Variants in QKI observed in about 807,000 individuals in gnomAD.
QKI encodes the protein KH domain-containing RNA-binding protein QKI.
A neutral mutation model predicts 39.0 loss-of-function variants in QKI; 10 were observed. That is an observed-to-expected ratio of 0.26 (90% CI 0.16 to 0.43). The LOEUF is 0.43. QKI is among the 20% of genes least tolerant of loss of function. The pLI, the probability that QKI is intolerant of heterozygous loss-of-function variation, is 1.00. For synonymous variants in QKI, 204 were observed against 155.4 expected (o/e 1.31, Z -2.33); for missense variants, 218 against 428.0 (o/e 0.51, Z 4.33).
chr6:163,435,310 T>C (rs1789174388), intron 1 of QKI, among the ~76,000 whole-genome samples: 1 of 152,244 alleles, frequency 6.6e-6, no homozygotes, highest in Non-Finnish European at 1.5e-5. Context: ...TGAAAAATGT[T>C]TTCCTTATAG....
At chr6:163,489,424 CTGTGTGTGTGTGTGTGTGTG>C (rs66826538) in intron 3 of QKI, among the ~76,000 whole-genome samples, 1 of 149,036 alleles carries the variant, frequency 6.7e-6, no homozygotes, top group Non-Finnish European at 1.5e-5. Flanking sequence ...AGAAGTTATG[CTGTGTGTGTGTGTGTGTGTG>C]TGTGTGTGTG....
intron 3 of QKI, among the ~76,000 whole-genome samples, chr6:163,527,530 AAG>A (rs1252589172): frequency 6.6e-6 from 1 of 152,140 alleles, no homozygotes; most frequent in Non-Finnish European, 1.5e-5. Flanking sequence ...ATGCATAATT[AAG>A]AGAGTCTGTC....
Position 163,570,980 on chromosome 6 carries a change from C to T in QKI, c.*270C>T, listed in dbSNP as rs1376140318. 9.0e-6 allele frequency: 3 copies of T among 334,730 alleles called. No homozygotes were observed. The highest frequency in any genetic ancestry group is 5.4e-6 in the Non-Finnish European group (1 of 185,410). The allele number at this position is 334,730 out of a possible 1,614,324, so 20.7% of individuals were successfully genotyped here. On this transcript the variant is annotated 3_prime_UTR_variant, in exon 8 of 8. Transcript: ENST00000361752. ...GTAAAGCAATAAGGCCCAATTCATC[C>T]CACAGCACTGATCATCTTTTAATAT...
intron 3 of QKI, among the ~76,000 whole-genome samples, chr6:163,503,482 C>T (rs995429446): frequency 2.0e-5 from 3 of 150,568 alleles, no homozygotes; most frequent in African/African-American, 7.3e-5. Context: ...TTGTTGGATG[C>T]GTAGCCTGTG....
chr6:163,570,717 A>G lies in QKI; in HGVS notation c.*7A>G, dbSNP rs561497653. The stretch of plus-strand genomic sequence containing the variant: ...AGCCGCCACCGGCAACTAACCTATG[A>G]CCTTCTGACCTCTGAACTCTTCACC... On this transcript the variant is annotated 3_prime_UTR_variant, in exon 8 of 8. Coordinates refer to ENST00000361752, the MANE Select transcript of QKI (RefSeq NM_006775.3). 4.6e-5 allele frequency: 74 copies of G among 1,610,070 alleles called. 1 individual carries two copies. In the South Asian group the frequency reaches 8.1e-4, roughly 18 times the overall value.
At chr6:163,515,570 A>G (rs1246185079) in intron 3 of QKI, among the ~76,000 whole-genome samples, 1 of 152,192 alleles carries the variant, frequency 6.6e-6, no homozygotes, top group Non-Finnish European at 1.5e-5. Flanking sequence ...AATACACTTG[A>G]TTTAACACAT....
chr6:163,454,649 T>C (rs1008459846), intron 1 of QKI, among the ~76,000 whole-genome samples: 16 of 152,184 alleles, frequency 1.1e-4, no homozygotes, highest in African/African-American at 3.6e-4. Context: ...GATCTTCTTT[T>C]CCTTACCCCT....
intron 1 of QKI, among the ~76,000 whole-genome samples, chr6:163,426,694 G>A (rs925311186): frequency 2.6e-5 from 4 of 152,048 alleles, no homozygotes; most frequent in African/African-American, 9.7e-5. Flanking sequence ...CCTTTGAAAG[G>A]TACAGCTTTC....
chr6:163,521,599 T>C (rs1207567987), intron 3 of QKI, among the ~76,000 whole-genome samples: 1 of 152,130 alleles, frequency 6.6e-6, no homozygotes, highest in Non-Finnish European at 1.5e-5. Flanking sequence ...CTCGGCTCAC[T>C]GCAACCTCTG....
chr6:163,513,007 AC>A (rs1338655856), intron 3 of QKI, among the ~76,000 whole-genome samples: 1 of 152,184 alleles, frequency 6.6e-6, no homozygotes, highest in Non-Finnish European at 1.5e-5. Context: ...GTGGTACAGT[AC>A]AAGATGCTTC....
intron 3 of QKI, among the ~76,000 whole-genome samples, chr6:163,524,648 G>A (rs76410469): frequency 7.0e-6 from 1 of 143,224 alleles, no homozygotes; most frequent in Non-Finnish European, 1.5e-5. Context: ...TTGTATTTTA[G>A]TAGAGACGGG....
intron 3 of QKI, among the ~76,000 whole-genome samples, chr6:163,510,792 A>G (rs748152482): frequency 6.6e-6 from 1 of 152,206 alleles, no homozygotes; most frequent in Non-Finnish European, 1.5e-5. Context: ...TTAATGCAGA[A>G]TGACTTAATA....
In QKI at chr6:163,572,670, A is replaced by ACCCCCCCCCCCCCCCCCCCCCCC. The variant is rs60823251; in HGVS notation, c.*1971_*1972insCCCCCCCCCCCCCCCCCCCCCCC. ...CGTGGCAAATCTCAAGTGACAGTGG[A>ACCCCCCCCCCCCCCCCCCCCCCC]CCCCCCCCCCCGCCCAGCTTATCAA... On this transcript the variant is annotated 3_prime_UTR_variant, in exon 8 of 8. Transcript: ENST00000361752. 1.0e-3 allele frequency: 20 copies of ACCCCCCCCCCCCCCCCCCCCCCC among 19,652 alleles called. No homozygotes were observed. Among genetic ancestry groups the ACCCCCCCCCCCCCCCCCCCCCCC allele is most frequent in the Non-Finnish European group, 1.3e-3 (15 of 11,852 alleles). 1.2% of individuals were successfully genotyped at this position (19,652 alleles called of 1,614,324 possible).
intron 1 of QKI, among the ~76,000 whole-genome samples, chr6:163,451,657 A>G (rs1194313234): frequency 6.6e-6 from 1 of 152,206 alleles, no homozygotes; most frequent in Non-Finnish European, 1.5e-5. Context: ...GATTTTTTGT[A>G]CTATGCGTGA....
intron 3 of QKI, among the ~76,000 whole-genome samples, chr6:163,531,328 C>G (rs1780835622): frequency 6.6e-6 from 1 of 152,152 alleles, no homozygotes; most frequent in African/African-American, 2.4e-5. Flanking sequence ...CAACTGTTCT[C>G]CTAATGCAGT....
chr6:163,423,369 T>C (rs1413269344), intron 1 of QKI: 1 of 152,240 alleles, frequency 6.6e-6, no homozygotes, highest in Non-Finnish European at 1.5e-5. Flanking sequence ...CTTTGCAGAT[T>C]ATATCAGAGA....
intron 3 of QKI, among the ~76,000 whole-genome samples, chr6:163,534,058 G>GGTGCATT (rs1781043365): frequency 6.6e-6 from 1 of 151,994 alleles, no homozygotes; most frequent in Non-Finnish European, 1.5e-5. Context: ...CTGTGTGCCA[G>GGTGCATT]GTGCATTTAT....
At chr6:163,520,015 TTTC>T (rs2128237341) in intron 3 of QKI, among the ~76,000 whole-genome samples, 1 of 152,298 alleles carries the variant, frequency 6.6e-6, no homozygotes, top group African/African-American at 2.4e-5. Context: ...TTGAAAATAC[TTTC>T]TTGTCACCAG....
intron 3 of QKI, among the ~76,000 whole-genome samples, chr6:163,500,113 G>A (rs1031502736): frequency 2.6e-5 from 4 of 152,170 alleles, no homozygotes; most frequent in African/African-American, 7.2e-5. Context: ...GAATAGCAAA[G>A]TCAGCAAGGG....
Sources: allele counts gnomAD v4.1 joint callset (sites outside exome capture counted in the v4.1 genomes callset), GRCh38; gene constraint gnomAD v4.1.1; transcripts MANE v1.5; gene names NCBI Gene and HGNC (gene_info 2026-07-23, HGNC 2026-07-21).